SLC4A9: variants seen among roughly 807,000 people sequenced by gnomAD.
SLC4A9 encodes the protein solute carrier family 4 member 9, also known as anion exchange protein 4.
Under a neutral mutation model 103.2 loss-of-function variants are expected in SLC4A9, and 102 were observed. That is an observed-to-expected ratio of 0.99 (90% confidence interval 0.84 to 1.17). The LOEUF (loss-of-function observed/expected upper bound fraction) is 1.17, where lower values mean the gene tolerates loss of function less well. SLC4A9 is among the 50% of genes most tolerant of loss of function. The probability of loss-of-function intolerance (pLI) is 0.00; values close to 1 mark genes in which losing one functional copy is unlikely to be tolerated. For synonymous variants in SLC4A9, 453 were observed against 483.6 expected (o/e 0.94, Z 0.83); for missense variants, 1,091 against 1,193.7 (o/e 0.91, Z 1.27).
At chr5:140,364,306 T>A (rs1767569636) in intron 10 of SLC4A9, 57 bp from the exon 11 acceptor site, 1 of 1,605,690 alleles carries the variant, frequency 6.2e-7, no homozygotes, top group African/African-American at 1.3e-5. Context: ...CTGACCTGGG[T>A]TTAGTGGGAA....
rs1413608331 is a variant in SLC4A9 at position 140,372,291 on chromosome 5, C to G, written c.2720C>G (p.Pro907Arg). 6.2e-7 allele frequency: 1 copy of G among 1,603,142 alleles called. No homozygotes were observed. The change falls in exon 20 of 22, where the codon CCA becomes CGA. Residue 907 changes from proline (P) to arginine (R), a missense_variant. Transcript: ENST00000506757. Reference sequence around the variant, plus strand: ...AAGGCCCTGGAGAGGGTCTTCTCACCACAGGAACTCCTCTGGCTGGATGAG... The same window carrying G: ...AAGGCCCTGGAGAGGGTCTTCTCACGACAGGAACTCCTCTGGCTGGATGAG... ...VRKALERVFS[P>R]QELLWLDELM...
intron 17 of SLC4A9, among the ~76,000 whole-genome samples, chr5:140,369,302 AC>A (rs1768354920): frequency 1.3e-5 from 2 of 151,956 alleles, no homozygotes; most frequent in East Asian, 1.9e-4. Flanking sequence ...ACAAAAAAAA[AC>A]CAAAAAACAA....
chr5:140,362,879 C>T, intron 6 of SLC4A9, 33 bp from the exon 7 acceptor site: 1 of 1,613,934 alleles, frequency 6.2e-7, no homozygotes, highest in Non-Finnish European at 8.5e-7. Context: ...ACCAGGTTTG[C>T]ACTTACCACC....
Position 140,363,508 on chromosome 5 carries a change from C to T in SLC4A9, c.1032C>T (p.His344=). 2 of 1,551,954 alleles carry T rather than the reference C, an allele frequency of 1.3e-6. No individual in the cohort carries two copies. Among genetic ancestry groups the T allele is most frequent in the Non-Finnish European group, 1.7e-6 (2 of 1,147,474 alleles). The change falls in exon 8 of 22, where the codon CAC becomes CAT. Residue 344 remains histidine, a synonymous_variant. Transcript: ENST00000506757. The surrounding 1 kb of genome is among the most constrained non-coding windows in gnomAD (Gnocchi z 4.5). The stretch of plus-strand genomic sequence containing the variant: ...GCCTGACCTCGGCTGAGGACAGGCA[C>T]CGCCATGGGCCACACGCACACAGCC... ...VPRLTSAEDR[H]RHGPHAHSPE... is the part of the protein sequence containing the mutation.
chr5:140,367,927 A>G (rs919103684), intron 16 of SLC4A9, 29 bp downstream of exon 16: 3 of 1,611,292 alleles, frequency 1.9e-6, no homozygotes, highest in Non-Finnish European at 2.5e-6. Flanking sequence ...AAGTGGAGTA[A>G]GAGGTGGGCA....
At chr5:140,361,139 T>C in intron 2 of SLC4A9, 115 bp from the exon 3 acceptor site, 1 of 1,195,876 alleles carries the variant, frequency 8.4e-7, no homozygotes, top group Non-Finnish European at 1.2e-6. Flanking sequence ...GCAAGTTCAT[T>C]GGCCCTGGCA....
Position 140,364,283 on chromosome 5 carries a change from G to C in SLC4A9, c.1389-80G>C, listed in dbSNP as rs190195697. 6.9e-3 allele frequency: 11,003 copies of C among 1,595,296 alleles called. 384 individuals are homozygous for C. The South Asian group carries it at 0.083, about 12-fold the overall frequency. ...GGAGAGAGTGGGAGCTATCTGTTTG[G>C]GTTGAGGGACACCTGACCTGGGTTT... On this transcript the variant is annotated intron_variant, in intron 10 of 21. Transcript: ENST00000506757.
At position 140,362,934 on chromosome 5, in the gene SLC4A9, G is replaced by A. The variant is rs370985420; in HGVS notation, c.830G>A (p.Arg277Gln). The change falls in exon 7 of 22, where the codon CGG becomes CAG. Residue 277 changes from arginine (R) to glutamine (Q), a missense_variant. Coordinates refer to ENST00000506757, the MANE Select transcript of SLC4A9 (RefSeq NM_031467.3). ...CAGCAATTCCAGTGGTCAGTTCGTC[G>A]GGCCAGCAACCTTCATGACCTTCTG... Reference protein sequence around the residue: ...SDPQFQWSVRRASNLHDLLAA... With the variant: ...SDPQFQWSVRQASNLHDLLAA... 2.0e-5 allele frequency: 33 copies of A among 1,613,756 alleles called. No individual in the cohort carries two copies. Among genetic ancestry groups the A allele is most frequent in the South Asian group, 7.7e-5 (7 of 91,076 alleles).
In SLC4A9 at chr5:140,365,963, T is replaced by A. The variant is rs117501145; in HGVS notation, c.1840T>A (p.Ser614Thr). Residue 614 changes from serine (S) to threonine (T), a missense_variant, in exon 13 of 22, where the codon TCT (serine) becomes ACT (threonine). Ser to Thr is a moderately conservative substitution (Grantham distance 58). Transcript: ENST00000506757. Reference protein sequence around the residue: ...AFFSLLLFLTSFFFAMALKCV... With the variant: ...AFFSLLLFLTTFFFAMALKCV... ...CTTCTCCCTTCTCCTCTTCCTTACT[T>A]CTTTCTTCTTTGCTATGGCCCTCAA... is the stretch of plus-strand genomic sequence containing the variant. 1,250 of 1,614,028 alleles carry A rather than the reference T, an allele frequency of 7.7e-4. 17 individuals are homozygous for A. In the East Asian group the frequency reaches 0.023, roughly 30 times the overall value.
rs1767329451 is a variant in SLC4A9, at chr5:140,362,999, C to T, written c.895C>T (p.Pro299Ser). ...DAFLEEVTVLPPGRWDPTARI... is the reference protein window; with the variant it reads ...DAFLEEVTVLSPGRWDPTARI... ...ATTCCTAGAGGAGGTGACAGTGCTT[C>T]CCCCAGGTCGGTGGGACCCAACAGC... Residue 299 changes from proline (P) to serine (S), a missense_variant, in exon 7 of 22, where the codon CCC (proline) becomes TCC (serine). Coordinates refer to ENST00000506757, the MANE Select transcript of SLC4A9 (RefSeq NM_031467.3). 5 of 1,612,024 alleles carry T rather than the reference C, an allele frequency of 3.1e-6. No individual in the cohort carries two copies. Among genetic ancestry groups the T allele is most frequent in the Middle Eastern group, 1.6e-4 (1 of 6,078 alleles).
chr5:140,373,289 A>G (rs1768998647), intron 21 of SLC4A9, among the ~76,000 whole-genome samples: 1 of 152,140 alleles, frequency 6.6e-6, no homozygotes, highest in Non-Finnish European at 1.5e-5. Flanking sequence ...CCTTCATTTT[A>G]TTCATCCATA....
chr5:140,363,306 C>T lies in SLC4A9; in HGVS notation c.963-133C>T. On this transcript the variant is annotated intron_variant, in intron 7 of 21. Transcript: ENST00000506757. This position sits in a 1 kb window ranked among gnomAD's most constrained non-coding sequence, Gnocchi z 4.5. The stretch of plus-strand genomic sequence containing the variant: ...CAATATGACCTGGACCTTCTAGAGG[C>T]CCAGGTGTCGCCATGGTTCCCTCGC... The T allele has an allele frequency of 1.1e-6, 1 of 940,582 alleles. No homozygotes were observed. The highest frequency in any genetic ancestry group is 1.6e-6 in the Non-Finnish European group (1 of 626,472). The allele number at this position is 940,582 out of a possible 1,614,324, so 58.3% of individuals were successfully genotyped here. A position where few individuals can be genotyped will look rare whatever the true frequency, so the allele number is the denominator to read the frequency against.
At position 140,372,742 on chromosome 5, in the gene SLC4A9, C is replaced by T. The variant is rs1251200697; in HGVS notation, c.2827-3C>T. The T allele has an allele frequency of 1.9e-6, 3 of 1,573,822 alleles. No individual in the cohort carries two copies. The highest frequency in any genetic ancestry group is 2.6e-6 in the Non-Finnish European group (3 of 1,159,578). On this transcript the variant is annotated splice_region_variant and splice_polypyrimidine_tract_variant and intron_variant, in intron 20 of 21. Coordinates refer to ENST00000506757, the MANE Select transcript of SLC4A9 (RefSeq NM_031467.3). The stretch of plus-strand genomic sequence containing the variant: ...AATCCATCTTGGGATCTGTCTTCCA[C>T]AGTCAGAGCTGATGTATCAGCCAAA...
At position 140,363,585 on chromosome 5, in the gene SLC4A9, G is replaced by A. The variant is rs369537759; in HGVS notation, c.1079+30G>A. The A allele has an allele frequency of 1.8e-4, 283 of 1,552,656 alleles. No individual in the cohort carries two copies. The highest frequency in any genetic ancestry group is 2.4e-4 in the Non-Finnish European group (277 of 1,147,830). ...GGCGAGCTGGGAGGAAACAAGGGTA[G>A]GTGACCTGGGGGAGGGGAGGAGTCA... On this transcript the variant is annotated intron_variant, in intron 8 of 21. Transcript: ENST00000506757. The surrounding 1 kb of genome is among the most constrained non-coding windows in gnomAD (Gnocchi z 4.5).
At chr5:140,366,074 C>T in intron 13 of SLC4A9, 52 bp downstream of exon 13, 2 of 1,610,070 alleles carry the variant, frequency 1.2e-6, no homozygotes, top group African/African-American at 1.3e-5. Context: ...AGCTTTGGGT[C>T]CTATCTGTGA....
chr5:140,365,773 C>A (rs1190628219), intron 12 of SLC4A9, 61 bp from the exon 13 acceptor site: 4 of 1,558,116 alleles, frequency 2.6e-6, no homozygotes, highest in Non-Finnish European at 3.5e-6. Context: ...GAAGTTGGTC[C>A]AGGAGAGCAG....
intron 17 of SLC4A9, among the ~76,000 whole-genome samples, chr5:140,369,377 T>G (rs1768367157): frequency 6.6e-6 from 1 of 152,158 alleles, no homozygotes; most frequent in Non-Finnish European, 1.5e-5. Flanking sequence ...ATGGAATATT[T>G]GCTATATGCA....
Position 140,361,864 on chromosome 5 carries a change from G to A in SLC4A9, c.561+1G>A. The A allele has an allele frequency of 6.2e-7, 1 of 1,613,912 alleles. No individual in the cohort carries two copies. ...TGAGGAAGCCCCCCTGAGGGAACAG[G>A]TTTGTGGCCCTTCCTTGGGGTCCCT... On this transcript the variant is annotated splice_donor_variant, in intron 4 of 21. Transcript: ENST00000506757. LOFTEE classifies it high-confidence loss of function.
At chr5:140,365,614 AG>A (rs1299376211) in intron 12 of SLC4A9, 36 bp downstream of exon 12, 1 of 1,601,128 alleles carries the variant, frequency 6.2e-7, no homozygotes, top group South Asian at 1.1e-5. Flanking sequence ...TAGGAAGGAA[AG>A]GGTGGAGACC....
Sources: gnomAD v4.1 joint callset for allele counts (sites outside exome capture counted in the v4.1 genomes callset) on GRCh38, gnomAD v4.1.1 for gene constraint, Gnocchi (gnomAD v3.1) non-coding constraint, MANE v1.5 for transcripts, NCBI Gene and HGNC (gene_info 2026-07-23, HGNC 2026-07-21) for gene names.